ANKFN1: variants seen among roughly 807,000 people sequenced by gnomAD.
ANKFN1 encodes ankyrin repeat and fibronectin type-III domain-containing protein 1.
In ANKFN1, 74 loss-of-function variants were observed where a neutral mutation model predicts 108.7. That is an observed-to-expected ratio of 0.68 (90% confidence interval 0.56 to 0.83). The LOEUF is 0.83. Ranked by LOEUF, ANKFN1 falls within the 40% of genes least tolerant of loss-of-function variation. ANKFN1 has a pLI of 0.00. For synonymous variants in ANKFN1, 547 were observed against 516.2 expected (o/e 1.06, Z -0.81); for missense variants, 1,505 against 1,382.3 (o/e 1.09, Z -1.41).
intron 16 of ANKFN1, among the ~76,000 whole-genome samples, chr17:56,479,468 G>A (rs1219530196): frequency 6.6e-6 from 1 of 152,242 alleles, no homozygotes; most frequent in Non-Finnish European, 1.5e-5. Context: ...GAAGCCAACA[G>A]TATGCCCAGA....
intron 4 of ANKFN1, among the ~76,000 whole-genome samples, chr17:56,146,208 A>G (rs1413385993): frequency 6.6e-6 from 1 of 152,132 alleles, no homozygotes; most frequent in African/African-American, 2.4e-5. Context: ...GGACAGCTCT[A>G]CCCTGTGGCT....
At chr17:56,048,163 T>C (rs1904712352) in intron 4 of ANKFN1, among the ~76,000 whole-genome samples, 2 of 152,240 alleles carry the variant, frequency 1.3e-5, no homozygotes, top group South Asian at 4.1e-4. Flanking sequence ...GATTATCATC[T>C]GTGGTTGGAT....
chr17:56,223,279 C>A (rs906230425), intron 2 of ANKFN1, among the ~76,000 whole-genome samples: 2 of 152,220 alleles, frequency 1.3e-5, no homozygotes, highest in African/African-American at 4.8e-5. Flanking sequence ...AAAGCGTTCA[C>A]TTCTTTGTGT....
chr17:56,359,925 G>GAAAATCTGA, intron 6 of ANKFN1, among the ~76,000 whole-genome samples: 1 of 152,220 alleles, frequency 6.6e-6, no homozygotes, highest in East Asian at 1.9e-4. Flanking sequence ...CAGTTTATGA[G>GAAAATCTGA]AAAATCTGAC....
intron 4 of ANKFN1, among the ~76,000 whole-genome samples, chr17:56,057,912 G>A (rs1201284324): frequency 3.9e-5 from 6 of 152,172 alleles, no homozygotes; most frequent in South Asian, 2.1e-4. Context: ...CTTCTCCATC[G>A]GAGCTCTTCA....
intron 2 of ANKFN1, 108 bp from the exon 3 acceptor site, chr17:56,227,809 T>G: frequency 2.4e-6 from 2 of 844,948 alleles, no homozygotes; most frequent in Non-Finnish European, 3.7e-6. Flanking sequence ...AGGCTAGGCT[T>G]CTCTCTCTTT....
At chr17:56,266,368 G>A (rs76980613) in intron 3 of ANKFN1, among the ~76,000 whole-genome samples, 2,103 of 152,084 alleles carry the variant, frequency 0.014, 52 homozygotes, top group African/African-American at 0.047. Flanking sequence ...CATCCTGCCC[G>A]TCCATCTCCC....
intron 3 of ANKFN1, among the ~76,000 whole-genome samples, chr17:56,325,262 CTGTG>C (rs57226368): frequency 0.012 from 1,856 of 149,556 alleles, 21 homozygotes; most frequent in African/African-American, 0.023. Context: ...GCTAGTGTCG[CTGTG>C]TGTGTGTGTG....
At chr17:56,069,267 G>A (rs1272374044) in intron 4 of ANKFN1, among the ~76,000 whole-genome samples, 2 of 152,212 alleles carry the variant, frequency 1.3e-5, no homozygotes, top group Non-Finnish European at 2.9e-5. Flanking sequence ...TATGTGGCAA[G>A]AAGAGAGAGA....
At chr17:56,225,338 T>G (rs1166143898) in intron 2 of ANKFN1, among the ~76,000 whole-genome samples, 1 of 152,200 alleles carries the variant, frequency 6.6e-6, no homozygotes, top group East Asian at 1.9e-4. Context: ...CTCCATATTA[T>G]TAACTATTAT....
intron 1 of ANKFN1, among the ~76,000 whole-genome samples, chr17:56,208,161 C>T (rs948873150): frequency 5.3e-5 from 8 of 152,158 alleles, no homozygotes; most frequent in Non-Finnish European, 7.3e-5. Context: ...AGGCACATGC[C>T]GCCAAGCCTG....
chr17:56,093,401 C>G (rs968813625), intron 4 of ANKFN1, among the ~76,000 whole-genome samples: 1 of 151,004 alleles, frequency 6.6e-6, no homozygotes, highest in Non-Finnish European at 1.5e-5. Context: ...TTTGAACGTG[C>G]CAGTGGCTCC....
intron 4 of ANKFN1, among the ~76,000 whole-genome samples, chr17:56,059,307 G>A (rs1478756973): frequency 6.6e-6 from 1 of 152,046 alleles, no homozygotes; most frequent in East Asian, 1.9e-4. Flanking sequence ...ATTTGTTTAA[G>A]TTCCTTGTAA....
chr17:56,210,306 G>T (rs1165205420), intron 1 of ANKFN1, among the ~76,000 whole-genome samples: 1 of 152,130 alleles, frequency 6.6e-6, no homozygotes, highest in Non-Finnish European at 1.5e-5. Flanking sequence ...GTTCTTTAAG[G>T]AATCTCTACA....
chr17:56,390,217 A>T (rs1200644651), intron 8 of ANKFN1, among the ~76,000 whole-genome samples: 3 of 150,514 alleles, frequency 2.0e-5, no homozygotes, highest in African/African-American at 7.3e-5. Context: ...CCCTTGACAG[A>T]CCCCAATGTG....
intron 3 of ANKFN1, among the ~76,000 whole-genome samples, chr17:56,266,979 T>G (rs1010508602): frequency 7.9e-5 from 12 of 152,140 alleles, no homozygotes; most frequent in South Asian, 2.1e-4. Context: ...AGTCTTCCAC[T>G]CAGTTGTCAT....
chr17:56,188,674 A>G (rs1411176917), intron 1 of ANKFN1, among the ~76,000 whole-genome samples: 1 of 146,724 alleles, frequency 6.8e-6, no homozygotes, highest in Non-Finnish European at 1.5e-5. Flanking sequence ...TGAAACACGT[A>G]TGCTTTTCTG....
chr17:56,173,641 T>G (rs1910874441), intron 1 of ANKFN1, among the ~76,000 whole-genome samples: 1 of 152,154 alleles, frequency 6.6e-6, no homozygotes, highest in Non-Finnish European at 1.5e-5. Context: ...TTTTCTTTTT[T>G]TGTAGCAACA....
At chr17:56,164,093 T>C (rs1376086747) in intron 1 of ANKFN1, among the ~76,000 whole-genome samples, 2 of 152,152 alleles carry the variant, frequency 1.3e-5, no homozygotes, top group South Asian at 2.1e-4. Flanking sequence ...TCATGATCTG[T>C]CTTCCATCCA....
Sources: allele counts gnomAD v4.1 joint callset (sites outside exome capture counted in the v4.1 genomes callset), GRCh38; gene constraint gnomAD v4.1.1; transcripts MANE v1.5; gene names NCBI Gene and HGNC (gene_info 2026-07-23, HGNC 2026-07-21).